Variants in PPIL6 observed in about 807,000 individuals in gnomAD.
The protein encoded by PPIL6 is probable inactive peptidyl-prolyl cis-trans isomerase-like 6.
PPIL6 carries 39 observed loss-of-function variants against 36.8 expected under a neutral mutation model. The ratio of observed to expected loss-of-function variants is 1.06; its 90% confidence interval spans 0.82 to 1.38. The LOEUF (loss-of-function observed/expected upper bound fraction) is 1.38, where lower values mean the gene tolerates loss of function less well. Ranked by LOEUF, PPIL6 falls within the 40% of genes most tolerant of loss-of-function variation. The pLI, the probability that PPIL6 is intolerant of heterozygous loss-of-function variation, is 0.00. For synonymous variants in PPIL6, 123 were observed against 134.1 expected, an observed-to-expected ratio of 0.92 and a Z score of 0.57; for missense variants, 368 against 379.1, an observed-to-expected ratio of 0.97 and a Z score of 0.24.
At chr6:109,428,043 G>A (rs949670616) in intron 3 of PPIL6, among the ~76,000 whole-genome samples, 2 of 152,134 alleles carry the variant, frequency 1.3e-5, no homozygotes, top group Non-Finnish European at 2.9e-5. Flanking sequence ...GAAGGATGCT[G>A]GGCTTTCAAG....
intron 5 of PPIL6, among the ~76,000 whole-genome samples, chr6:109,422,395 C>T (rs1257346467): frequency 1.3e-5 from 2 of 152,094 alleles, no homozygotes. Context: ...AGTTCAGGAC[C>T]AGCCTGGGCA....
At position 109,413,390 on chromosome 6, in the gene PPIL6, C is replaced by T. The variant is rs1373768420; in HGVS notation, c.688+5797G>A. ...TCAACACCACTGATCATCAGAGAAA[C>T]GTAAACCCAAACTACAACGAGATAT... On this transcript the variant is annotated intron_variant, in intron 6 of 7. Transcript: ENST00000521072. The surrounding 1 kb of genome is among the most constrained non-coding windows in gnomAD (Gnocchi z 4.6). Among the ~76,000 whole-genome samples, 23 of 152,114 alleles carry T rather than the reference C, an allele frequency of 1.5e-4. No individual in the cohort carries two copies. The highest frequency in any genetic ancestry group is 1.4e-3 in the Admixed American group (22 of 15,258).
chr6:109,433,058 T>A (rs904731823), intron 2 of PPIL6, among the ~76,000 whole-genome samples: 2 of 151,720 alleles, frequency 1.3e-5, no homozygotes, highest in East Asian at 1.9e-4. Flanking sequence ...CCCAAAACTT[T>A]CTTTTTTTTT....
intron 2 of PPIL6, among the ~76,000 whole-genome samples, chr6:109,431,905 C>T (rs1299313894): frequency 1.3e-5 from 2 of 152,214 alleles, no homozygotes; most frequent in Admixed American, 6.5e-5. Flanking sequence ...ATTTTGTTCT[C>T]TGGAGCACTC....
intron 1 of PPIL6, 97 bp downstream of exon 1, chr6:109,440,359 C>T (rs750148201): frequency 7.0e-7 from 1 of 1,419,586 alleles, no homozygotes. Context: ...GGGGCCTCGA[C>T]CCCCGCCGCC....
chr6:109,435,265 C>T (rs1356937750), intron 2 of PPIL6, among the ~76,000 whole-genome samples: 1 of 148,528 alleles, frequency 6.7e-6, no homozygotes, highest in Admixed American at 6.7e-5. Context: ...TTATCTCATG[C>T]TTTCCAAAGG....
intron 6 of PPIL6, among the ~76,000 whole-genome samples, chr6:109,404,586 T>TA (rs1213216393): frequency 1.2e-4 from 18 of 152,382 alleles, no homozygotes; most frequent in African/African-American, 4.3e-4. Flanking sequence ...AACTCGGTTA[T>TA]ACCATCTTTG....
At position 109,431,218 on chromosome 6, in the gene PPIL6, G is replaced by A; in HGVS notation, c.359C>T (p.Pro120Leu). The A allele has an allele frequency of 6.2e-7, 1 of 1,613,928 alleles. No homozygotes were observed. The highest frequency in any genetic ancestry group is 8.5e-7 in the Non-Finnish European group (1 of 1,179,928). ...AGTGAGTGCGTCATAAAGTGCAGAG[G>A]GTTTAATGTCAACTATATCCCACAC... The part of the protein sequence containing the change: ...HEVWDIVDIK[P>L]SALYDALTED... Residue 120 changes from proline to leucine, a missense_variant, in exon 3 of 8, where the codon CCC becomes CTC. Coordinates refer to ENST00000521072, the MANE Select transcript of PPIL6 (RefSeq NM_173672.5).
chr6:109,430,548 TCCCGAGTAG>T (rs1774082941), intron 3 of PPIL6, among the ~76,000 whole-genome samples: 1 of 152,018 alleles, frequency 6.6e-6, no homozygotes, highest in South Asian at 2.1e-4. Flanking sequence ...TGCTTCAGCC[TCCCGAGTAG>T]CTGGGATTAC....
chr6:109,419,836 G>A (rs1169373492), intron 5 of PPIL6, among the ~76,000 whole-genome samples: 1 of 151,930 alleles, frequency 6.6e-6, no homozygotes, highest in Non-Finnish European at 1.5e-5. Flanking sequence ...AATTTCACTT[G>A]TATTTTATAA....
At chr6:109,417,031 G>A (rs796141257) in intron 6 of PPIL6, among the ~76,000 whole-genome samples, 3 of 151,778 alleles carry the variant, frequency 2.0e-5, no homozygotes, top group Non-Finnish European at 4.4e-5. Context: ...ATTAGCCAGC[G>A]TGGTGGCATG....
At chr6:109,405,059 G>GC (rs1554219212) in intron 6 of PPIL6, 3 of 322,958 alleles carry the variant, frequency 9.3e-6, no homozygotes, top group Non-Finnish European at 1.8e-5. Context: ...CTCAAAAAAG[G>GC]AAAAAAAAAA....
At chr6:109,417,439 A>G (rs1399217153) in intron 6 of PPIL6, among the ~76,000 whole-genome samples, 2 of 150,862 alleles carry the variant, frequency 1.3e-5, no homozygotes, top group African/African-American at 4.9e-5. Context: ...GGACTCGTAC[A>G]TTTCAAATCC....
rs1325976361 is a variant in PPIL6, at chr6:109,392,525, A to C, written c.*301T>G. 3.9e-6 allele frequency: 1 copy of C among 254,974 alleles called. No homozygotes were observed. Among genetic ancestry groups the C allele is most frequent in the East Asian group, 8.2e-5 (1 of 12,246 alleles). The allele number at this position is 254,974 out of a possible 1,614,324, so 15.8% of individuals were successfully genotyped here. ...TGTAGCTCCAGCCTCTCCACATTCC[A>C]GACTGGATGAAGGGGAAGGGGCAGG... On this transcript the variant is annotated 3_prime_UTR_variant, in exon 8 of 8. Coordinates refer to ENST00000521072, the MANE Select transcript of PPIL6 (RefSeq NM_173672.5).
chr6:109,435,959 ACAAT>A, intron 2 of PPIL6, 141 bp downstream of exon 2: 2 of 690,464 alleles, frequency 2.9e-6, no homozygotes, highest in Admixed American at 4.8e-5. Context: ...AATGATTAAT[ACAAT>A]TTAGGAAAAG....
At chr6:109,410,501 C>T (rs958815003) in intron 6 of PPIL6, among the ~76,000 whole-genome samples, 10 of 152,150 alleles carry the variant, frequency 6.6e-5, no homozygotes, top group Non-Finnish European at 5.9e-5. Context: ...TCACTACCAT[C>T]CCCGCTGACC....
chr6:109,419,305 T>C (rs1562265383), intron 5 of PPIL6, 62 bp from the exon 6 acceptor site: 1 of 1,148,218 alleles, frequency 8.7e-7, no homozygotes, highest in Non-Finnish European at 1.3e-6. Context: ...GATACAATAA[T>C]GACAGGGAAA....
chr6:109,440,693 G>A, upstream of PPIL6: 1 of 908,912 alleles, frequency 1.1e-6, no homozygotes, highest in Non-Finnish European at 1.4e-6. Context: ...CCAGGGGCGG[G>A]TCGAGGGCGG....
At chr6:109,425,737 G>A (rs1396316206) in intron 5 of PPIL6, among the ~76,000 whole-genome samples, 4 of 136,480 alleles carry the variant, frequency 2.9e-5, no homozygotes, top group African/African-American at 5.7e-5. Flanking sequence ...GCGACAGAGC[G>A]AGACTCCGTT....
Sources: gnomAD v4.1 joint callset for allele counts (sites outside exome capture counted in the v4.1 genomes callset) on GRCh38, gnomAD v4.1.1 for gene constraint, Gnocchi (gnomAD v3.1) non-coding constraint, MANE v1.5 for transcripts, NCBI Gene and HGNC (gene_info 2026-07-23, HGNC 2026-07-21) for gene names.